RNF111: variants seen among roughly 807,000 people sequenced by gnomAD.
RNF111 encodes the protein E3 ubiquitin-protein ligase Arkadia.
In RNF111, 17 loss-of-function variants were observed where a neutral mutation model predicts 95.1. The observed-to-expected ratio is 0.18, with a 90% CI of 0.12 to 0.27. The LOEUF (loss-of-function observed/expected upper bound fraction) is 0.27, where lower values mean the gene tolerates loss of function less well. Among genes scored for constraint, RNF111 ranks in the 10% least tolerant of loss-of-function variants. The pLI, the probability that RNF111 is intolerant of heterozygous loss-of-function variation, is 1.00. For synonymous variants in RNF111, 440 were observed against 414.8 expected (o/e 1.06, Z -0.74); for missense variants, 1,189 against 1,210.4 (o/e 0.98, Z 0.26).
At chr15:59,048,255 T>TGG (rs1323958943) in intron 2 of RNF111, among the ~76,000 whole-genome samples, 1 of 152,222 alleles carries the variant, frequency 6.6e-6, no homozygotes, top group African/African-American at 2.4e-5. Context: ...TCCATATGAT[T>TGG]GGATACTACT....
chr15:59,024,729 G>A (rs915972654), intron 1 of RNF111, among the ~76,000 whole-genome samples: 11 of 152,110 alleles, frequency 7.2e-5, no homozygotes, highest in Middle Eastern at 3.4e-3. Flanking sequence ...TTATAATTTG[G>A]CATTAAGTAC....
At chr15:59,040,154 G>T (rs572929014) in intron 2 of RNF111, among the ~76,000 whole-genome samples, 2 of 151,320 alleles carry the variant, frequency 1.3e-5, no homozygotes, top group South Asian at 4.2e-4. Flanking sequence ...TCACTCTGTT[G>T]CCTAGGCTGG....
chr15:59,089,530 G>A, intron 10 of RNF111, 137 bp from the exon 11 acceptor site: 1 of 665,774 alleles, frequency 1.5e-6, no homozygotes, highest in Non-Finnish European at 2.7e-6. Flanking sequence ...CTTAGTTGGA[G>A]TTATGTATTC....
At chr15:59,027,836 CT>C (rs77391394) in intron 1 of RNF111, among the ~76,000 whole-genome samples, 1,676 of 139,266 alleles carry the variant, frequency 0.012, 12 homozygotes, top group Non-Finnish European at 0.017. Flanking sequence ...CCTGGCCCAC[CT>C]TTTTTTTTTT....
Position 59,095,834 on chromosome 15 carries a change from T to C in RNF111, c.*934T>C, listed in dbSNP as rs1217582945. On this transcript the variant is annotated 3_prime_UTR_variant, in exon 14 of 14. Coordinates refer to ENST00000348370, the MANE Select transcript of RNF111 (RefSeq NM_017610.8). The stretch of plus-strand genomic sequence containing the variant: ...TGCTTACATTGATTTTGTAGACACA[T>C]TAAGTCAAGATTTGGAATTTAAGTC... The C allele has an allele frequency of 1.3e-5, 5 of 394,776 alleles. No homozygotes were observed. The allele number at this position is 394,776 out of a possible 1,614,324, so 24.5% of individuals were successfully genotyped here.
chr15:59,058,028 G>A (rs879748512), intron 4 of RNF111, among the ~76,000 whole-genome samples: 9 of 152,184 alleles, frequency 5.9e-5, no homozygotes, highest in Non-Finnish European at 7.3e-5. Flanking sequence ...TGCATAGTAA[G>A]GAACTTTTAT....
intron 2 of RNF111, among the ~76,000 whole-genome samples, chr15:59,037,858 A>T (rs2041258700): frequency 6.6e-6 from 1 of 152,106 alleles, no homozygotes; most frequent in African/African-American, 2.4e-5. Context: ...TAGGTATTAC[A>T]GATTATATCT....
chr15:59,028,686 C>T (rs959107132), intron 1 of RNF111, among the ~76,000 whole-genome samples: 4 of 151,736 alleles, frequency 2.6e-5, no homozygotes, highest in Admixed American at 1.3e-4. Context: ...ACTAATGTTG[C>T]TGTTTATAAG....
intron 2 of RNF111, among the ~76,000 whole-genome samples, chr15:59,047,601 G>A (rs2041773972): frequency 6.6e-6 from 1 of 152,040 alleles, no homozygotes; most frequent in African/African-American, 2.4e-5. Flanking sequence ...TTTGAGACAA[G>A]GTCTGGCTCT....
Position 59,030,979 on chromosome 15 carries a change from G to A in RNF111, c.157G>A (p.Val53Ile). The A allele has an allele frequency of 3.1e-6, 5 of 1,614,226 alleles. No individual in the cohort carries two copies. Among genetic ancestry groups the A allele is most frequent in the Non-Finnish European group, 4.2e-6 (5 of 1,180,042 alleles). Reference sequence around the variant, plus strand: ...GGCAGCCAAAAGTTTTCCTGCAGGAGTTGAGATGATTAATAGTAAAGTGGG... The same window carrying A: ...GGCAGCCAAAAGTTTTCCTGCAGGAATTGAGATGATTAATAGTAAAGTGGG... Reference protein sequence around the residue: ...IGAAKSFPAGVEMINSKVGNE... With the variant: ...IGAAKSFPAGIEMINSKVGNE... Residue 53 changes from valine (V) to isoleucine (I), a missense_variant, in exon 2 of 14, where the codon GTT becomes ATT. Transcript: ENST00000348370.
chr15:59,036,802 G>A (rs1480068195), intron 2 of RNF111, among the ~76,000 whole-genome samples: 1 of 152,092 alleles, frequency 6.6e-6, no homozygotes, highest in Admixed American at 6.6e-5. Context: ...CTGACTTTAT[G>A]TCATCAGTTC....
chr15:59,008,960 A>G (rs1456759421), intron 1 of RNF111, among the ~76,000 whole-genome samples: 1 of 151,480 alleles, frequency 6.6e-6, no homozygotes, highest in African/African-American at 2.4e-5. Context: ...ATTTTATTTT[A>G]TTTTATTTTA....
intron 1 of RNF111, among the ~76,000 whole-genome samples, chr15:59,016,174 AG>A (rs2040057471): frequency 6.8e-6 from 1 of 146,204 alleles, no homozygotes; most frequent in Non-Finnish European, 1.5e-5. Flanking sequence ...ATATATATAT[AG>A]TTTTTTTTTT....
chr15:59,007,126 A>G (rs1381440279), intron 1 of RNF111, among the ~76,000 whole-genome samples: 1 of 152,202 alleles, frequency 6.6e-6, no homozygotes, highest in Non-Finnish European at 1.5e-5. Flanking sequence ...TAAGTATACC[A>G]TTTAAGTTTT....
At chr15:59,005,736 G>A (rs2039512850) in intron 1 of RNF111, among the ~76,000 whole-genome samples, 1 of 152,158 alleles carries the variant, frequency 6.6e-6, no homozygotes, top group Non-Finnish European at 1.5e-5. Flanking sequence ...TCAGAGGGAA[G>A]AAGCTTGTGG....
At position 59,089,738 on chromosome 15, in the gene RNF111, T is replaced by A; in HGVS notation, c.2622T>A (p.Gly874=). The stretch of plus-strand genomic sequence containing the variant: ...GATTGGATGGAACATCATTCAGAGG[T>A]CCTTTCAGGGGCAATTTTGAGGTAT... ...SSGLDGTSFR[G]PFRGNFEELI... The change falls in exon 11 of 14, where the codon GGT becomes GGA. Residue 874 remains glycine, a synonymous_variant. Coordinates refer to ENST00000348370, the MANE Select transcript of RNF111 (RefSeq NM_017610.8). 6.2e-7 allele frequency: 1 copy of A among 1,613,136 alleles called. No individual in the cohort carries two copies. Among genetic ancestry groups the A allele is most frequent in the South Asian group, 1.1e-5 (1 of 91,058 alleles).
At chr15:59,040,455 C>G (rs977377688) in intron 2 of RNF111, among the ~76,000 whole-genome samples, 1 of 151,782 alleles carries the variant, frequency 6.6e-6, no homozygotes, top group Non-Finnish European at 1.5e-5. Flanking sequence ...TTTTAACAGA[C>G]AAAGCTAGAA....
intron 4 of RNF111, among the ~76,000 whole-genome samples, chr15:59,056,778 C>G (rs8030514): frequency 3.3e-5 from 5 of 151,972 alleles, no homozygotes; most frequent in Admixed American, 2.6e-4. Flanking sequence ...GTAAGACAGT[C>G]GTTAATGTAA....
intron 9 of RNF111, 119 bp from the exon 10 acceptor site, chr15:59,085,540 C>T: frequency 1.2e-6 from 1 of 849,734 alleles, no homozygotes; most frequent in East Asian, 3.2e-5. Flanking sequence ...ATTATCTTTC[C>T]TCAGCTTTGT....
Sources: gnomAD v4.1 joint callset for allele counts (sites outside exome capture counted in the v4.1 genomes callset) on GRCh38, gnomAD v4.1.1 for gene constraint, MANE v1.5 for transcripts, NCBI Gene and HGNC (gene_info 2026-07-23, HGNC 2026-07-21) for gene names.